LRRC45: variants seen among roughly 807,000 people sequenced by gnomAD.
The protein encoded by LRRC45 is leucine-rich repeat-containing protein 45.
Under a neutral mutation model 85.4 loss-of-function variants are expected in LRRC45, and 73 were observed. The ratio of observed to expected loss-of-function variants is 0.85; its 90% confidence interval spans 0.71 to 1.04. LRRC45 has a LOEUF of 1.04. Ranked by LOEUF, LRRC45 falls within the 50% of genes least tolerant of loss-of-function variation. The pLI is 0.00. For synonymous variants in LRRC45, 429 were observed against 386.0 expected (o/e 1.11, Z -1.31); for missense variants, 937 against 883.3 (o/e 1.06, Z -0.77).
chr17:82,029,575 C>T lies in LRRC45; in HGVS notation c.1434C>T (p.Ser478=), dbSNP rs572143088. Residue 478 remains serine (S), a synonymous_variant, in exon 14 of 17, where the codon AGC becomes AGT. Transcript: ENST00000306688. The stretch of plus-strand genomic sequence containing the variant: ...GCCGAGTGAAAGCAGCGGCACTCAG[C>T]GAGCGTGGCCAGGCTGAGGAGGAGC... The part of the protein sequence containing the change: ...ELSRVKAAAL[S]ERGQAEEELI... 3.4e-5 allele frequency: 53 copies of T among 1,578,564 alleles called. No individual in the cohort carries two copies. The highest frequency in any genetic ancestry group is 4.1e-5 in the Non-Finnish European group (48 of 1,163,756).
Position 82,023,638 on chromosome 17 carries a change from C to G in LRRC45, c.-6C>G. 1 of 1,524,132 alleles carries G rather than the reference C, an allele frequency of 6.6e-7. No individual in the cohort carries two copies. Among genetic ancestry groups the G allele is most frequent in the Non-Finnish European group, 8.8e-7 (1 of 1,139,184 alleles). The allele number at this position is 1,524,132 out of a possible 1,614,324, so 94.4% of individuals were successfully genotyped here. ...TGCGGAGGAGGCCCTGCCGGCCCCG[C>G]GGGTCATGGAGGAGTTCCGGCGCTC... On this transcript the variant is annotated 5_prime_UTR_variant, in exon 1 of 17. Transcript: ENST00000306688.
chr17:82,025,703 G>A (rs905661496), intron 5 of LRRC45, among the ~76,000 whole-genome samples, 196 bp downstream of exon 5: 4 of 152,344 alleles, frequency 2.6e-5, no homozygotes, highest in Non-Finnish European at 5.9e-5. Flanking sequence ...GGCACTGTCC[G>A]AGGCGCCCTG....
At chr17:82,026,322 G>A (rs1257326256) in intron 5 of LRRC45, among the ~76,000 whole-genome samples, 1 of 152,178 alleles carries the variant, frequency 6.6e-6, no homozygotes, top group East Asian at 1.9e-4. Flanking sequence ...CTTTTGCGGT[G>A]GAGCAGCTCC....
intron 14 of LRRC45, 34 bp from the exon 15 acceptor site, chr17:82,030,031 C>T: frequency 6.6e-7 from 1 of 1,523,534 alleles, no homozygotes; most frequent in Non-Finnish European, 8.8e-7. Context: ...CAGGCTGAGC[C>T]CCTCATGCTT....
intron 13 of LRRC45, 45 bp downstream of exon 13, chr17:82,029,230 C>T: frequency 6.4e-7 from 1 of 1,568,480 alleles, no homozygotes; most frequent in Non-Finnish European, 8.7e-7. Flanking sequence ...TAGTCCTGGG[C>T]TGAACAAGGC....
At chr17:82,027,967 TG>T (rs761402427) in intron 8 of LRRC45, 43 bp from the exon 9 acceptor site, 1 of 1,562,012 alleles carries the variant, frequency 6.4e-7, no homozygotes, top group Non-Finnish European at 8.6e-7. Flanking sequence ...ATAAGGCAAG[TG>T]AAACTCCAAC....
At chr17:82,026,038 C>A (rs1308819123) in intron 5 of LRRC45, among the ~76,000 whole-genome samples, 1 of 152,212 alleles carries the variant, frequency 6.6e-6, no homozygotes, top group Non-Finnish European at 1.5e-5. Flanking sequence ...GCCCCCCGTA[C>A]TCCCTAATCC....
intron 1 of LRRC45, 124 bp downstream of exon 1, chr17:82,023,987 G>T: frequency 1.0e-6 from 1 of 961,432 alleles, no homozygotes; most frequent in South Asian, 1.6e-5. Context: ...GCGAGCAGGG[G>T]CGCCCCTTCC....
At position 82,030,377 on chromosome 17, in the gene LRRC45, T is replaced by C; in HGVS notation, c.1727T>C (p.Leu576Pro). Reference protein sequence around the residue: ...VAEVSRVRVELQEQNGRLQAE... With the variant: ...VAEVSRVRVEPQEQNGRLQAE... ...GAGGTGAGCAGGGTGCGCGTGGAGC[T>C]GCAGGAGCAGAACGGCCGGCTGCAG... Residue 576 changes from leucine (L) to proline (P), a missense_variant, in exon 16 of 17, where the codon CTG (leucine) becomes CCG (proline). Transcript: ENST00000306688. The C allele has an allele frequency of 6.5e-7, 1 of 1,549,972 alleles. No homozygotes were observed. Among genetic ancestry groups the C allele is most frequent in the Non-Finnish European group, 8.7e-7 (1 of 1,146,894 alleles).
chr17:82,027,631 C>A, intron 7 of LRRC45, 43 bp from the exon 8 acceptor site: 1 of 1,595,116 alleles, frequency 6.3e-7, no homozygotes, highest in South Asian at 1.1e-5. Flanking sequence ...TGGGAGCGCT[C>A]TGGGGTTTGG....
intron 5 of LRRC45, among the ~76,000 whole-genome samples, chr17:82,026,022 T>C (rs1320638233): frequency 1.3e-5 from 2 of 152,170 alleles, no homozygotes; most frequent in East Asian, 3.9e-4. Flanking sequence ...CTGGGGACTT[T>C]GCCAGGCCCC....
chr17:82,030,269 C>G (rs1220456693), intron 15 of LRRC45, 31 bp downstream of exon 15: 2 of 1,535,198 alleles, frequency 1.3e-6, no homozygotes, highest in Non-Finnish European at 1.8e-6. Context: ...GGGCCCCGGG[C>G]GTGCTAGCCC....
chr17:82,030,440 C>T lies in LRRC45; in HGVS notation c.1790C>T (p.Ala597Val), dbSNP rs201677781. The change falls in exon 16 of 17, where the codon GCG becomes GTG. Residue 597 changes from alanine to valine, a missense_variant. Ala to Val is a moderately conservative substitution (Grantham distance 64). Coordinates refer to ENST00000306688, the MANE Select transcript of LRRC45 (RefSeq NM_144999.4). ...LAAQEALREK[A>V]AALERQLKVM... ...GCTCAGGAGGCGCTGAGGGAGAAGG[C>T]GGCGGCCCTGGAGCGCCAGCTGAAA... 3.2e-4 allele frequency: 497 copies of T among 1,547,512 alleles called. No individual in the cohort carries two copies. Among genetic ancestry groups the T allele is most frequent in the Middle Eastern group, 1.1e-3 (6 of 5,472 alleles).
At chr17:82,030,490 G>T in intron 16 of LRRC45, 24 bp downstream of exon 16, 1 of 1,534,546 alleles carries the variant, frequency 6.5e-7, no homozygotes, top group Non-Finnish European at 8.7e-7. Flanking sequence ...TTGTCCTCCC[G>T]CCGCCCACTG....
rs1223215312 is a variant in LRRC45 at position 82,030,252 on chromosome 17, C to T, written c.1668+14C>T. The stretch of plus-strand genomic sequence containing the variant: ...GAGCTGCAGCAGGTAGGCGGGGCTC[C>T]GGTGGGGGGCCCCGGGCGTGCTAGC... On this transcript the variant is annotated intron_variant, in intron 15 of 16. Transcript: ENST00000306688. The T allele has an allele frequency of 2.6e-6, 4 of 1,533,684 alleles. No homozygotes were observed. Among genetic ancestry groups the T allele is most frequent in the Middle Eastern group, 1.8e-4 (1 of 5,488 alleles).
rs1410751759 is a variant in LRRC45 at position 82,030,546 on chromosome 17, G to A, written c.1817-63G>A. ...GAGAGCGGGGCTGGCCAGGTCTCCCGTGCTGAGGCCGTGCCACGGTGCGCT... is the reference window on the plus strand; with the variant it reads ...GAGAGCGGGGCTGGCCAGGTCTCCCATGCTGAGGCCGTGCCACGGTGCGCT... On this transcript the variant is annotated intron_variant, in intron 16 of 16. Coordinates refer to ENST00000306688, the MANE Select transcript of LRRC45 (RefSeq NM_144999.4). 5 of 1,490,312 alleles carry A rather than the reference G, an allele frequency of 3.4e-6. No homozygotes were observed. In the African/African-American group the frequency reaches 4.2e-5, roughly 13 times the overall value. The allele number at this position is 1,490,312 out of a possible 1,614,324, so 92.3% of individuals were successfully genotyped here.
Position 82,030,687 on chromosome 17 carries a change from G to T in LRRC45, c.1895G>T (p.Arg632Leu). 6.7e-7 allele frequency: 1 copy of T among 1,488,108 alleles called. No homozygotes were observed. The highest frequency in any genetic ancestry group is 9.0e-7 in the Non-Finnish European group (1 of 1,109,592). 92.2% of individuals were successfully genotyped at this position (1,488,108 alleles called of 1,614,324 possible). ...TCTCTCCGGGAGAAGCTGCGGCTCC[G>T]GGAGGCGGAGATCGCCCGCATCCGG... ...NASLREKLRL[R>L]EAEIARIRDE... The change falls in exon 17 of 17, where the codon CGG becomes CTG. Residue 632 changes from arginine to leucine, a missense_variant. Transcript: ENST00000306688.
rs2043360312 is a variant in LRRC45 at position 82,025,440 on chromosome 17, C to T, written c.594C>T (p.Ser198=). 1 of 1,608,948 alleles carries T rather than the reference C, an allele frequency of 6.2e-7. No individual in the cohort carries two copies. The highest frequency in any genetic ancestry group is 1.3e-5 in the African/African-American group (1 of 74,810). ...GGGCCCTCATGAACTGTCTCCCCAG[C>T]AACAGAACCCTGTGGAGACTGGACC... ...GGRALMNCLP[S]NRTLWRLDLA... The change falls in exon 5 of 17, where the codon AGC becomes AGT. Residue 198 remains serine, a synonymous_variant. Transcript: ENST00000306688.
rs2043377459 is a variant in LRRC45 at position 82,027,399 on chromosome 17, T to C, written c.788T>C (p.Met263Thr). The change falls in exon 7 of 17, where the codon ATG becomes ACG. Residue 263 changes from methionine (M) to threonine (T), a missense_variant. By Grantham distance (81) the Met-to-Thr change is moderately conservative. Transcript: ENST00000306688. ...CTCTGTCCCCAGTTCCTCGACTTGA[T>C]GGAGACTATTGATAAGCAGCGAGAA... Reference protein sequence around the residue: ...EEKSKQFLDLMETIDKQREEM... With the variant: ...EEKSKQFLDLTETIDKQREEM... 6 of 1,612,604 alleles carry C rather than the reference T, an allele frequency of 3.7e-6. No homozygotes were observed. Among genetic ancestry groups the C allele is most frequent in the Non-Finnish European group, 5.1e-6 (6 of 1,179,916 alleles).
Sources: allele counts gnomAD v4.1 joint callset (sites outside exome capture counted in the v4.1 genomes callset), GRCh38; gene constraint gnomAD v4.1.1; transcripts MANE v1.5; gene names NCBI Gene and HGNC (gene_info 2026-07-23, HGNC 2026-07-21).